The following RPS6KA3 variants were observed in gnomAD, a reference collection of about 807,000 sequenced individuals.
RPS6KA3 encodes ribosomal protein S6 kinase alpha-3.
A neutral mutation model predicts 67.2 loss-of-function variants in RPS6KA3; 4 were observed. The observed-to-expected ratio is 0.06, with a 90% CI of 0.03 to 0.14. The LOEUF is 0.14. Among genes scored for constraint, RPS6KA3 ranks in the 10% least tolerant of loss-of-function variants. The pLI, the probability that RPS6KA3 is intolerant of heterozygous loss-of-function variation, is 1.00. For missense variants in RPS6KA3, 204 were observed against 559.0 expected (o/e 0.36, Z 6.40); for synonymous variants, 182 against 183.7 (o/e 0.99, Z 0.07).
At chrX:20,215,969 T>C (rs2068839180) in intron 2 of RPS6KA3, among the ~76,000 whole-genome samples, 1 of 102,898 alleles carries the variant, frequency 9.7e-6, no homozygotes, top group African/African-American at 3.9e-5. Flanking sequence ...GTAAAGCAGC[T>C]ATATTAATAG....
intron 1 of RPS6KA3, among the ~76,000 whole-genome samples, chrX:20,257,319 CT>C (rs1234944428): frequency 8.9e-6 from 1 of 112,119 alleles, no homozygotes; most frequent in Admixed American, 9.5e-5. Flanking sequence ...ATTTTCCAGA[CT>C]TACGAGTTAA....
chrX:20,196,973 G>A (rs1490616508), intron 4 of RPS6KA3, among the ~76,000 whole-genome samples: 1 of 111,629 alleles, frequency 9.0e-6, no homozygotes. Flanking sequence ...CCGAGCAGCT[G>A]GGATTACAGG....
chrX:20,190,296 C>T (rs148360985), intron 7 of RPS6KA3, among the ~76,000 whole-genome samples: 111 of 111,741 alleles, frequency 9.9e-4, no homozygotes, highest in African/African-American at 3.6e-3. Context: ...ATCTGAAAAA[C>T]CCTTAACAGT....
chrX:20,165,313 A>G (rs1256640660), intron 17 of RPS6KA3, among the ~76,000 whole-genome samples: 1 of 111,827 alleles, frequency 8.9e-6, no homozygotes, highest in Admixed American at 9.6e-5. Flanking sequence ...GTTAAGGAAA[A>G]TTGCAAACAG....
rs148050184 is a variant in RPS6KA3, at chrX:20,172,853, T to G, written c.1246A>C (p.Ile416Leu). The part of the protein sequence containing the change: ...SIVQQLHRNS[I>L]QFTDGYEVKE... ...ACTTCATATCCATCAGTAAACTGAA[T>G]ACTGTTCCTGTGTAACTGCTACAAA... Residue 416 changes from isoleucine to leucine, a missense_variant, in exon 15 of 22, where the codon ATT becomes CTT. Ile to Leu is a conservative substitution (Grantham distance 5). Coordinates refer to ENST00000379565, the MANE Select transcript of RPS6KA3 (RefSeq NM_004586.3). The G allele has an allele frequency of 3.3e-6, 4 of 1,205,192 alleles. No homozygotes were observed. The highest frequency in any genetic ancestry group is 4.5e-6 in the Non-Finnish European group (4 of 890,616).
At chrX:20,213,987 A>T (rs778469919) in intron 2 of RPS6KA3, among the ~76,000 whole-genome samples, 1 of 111,708 alleles carries the variant, frequency 9.0e-6, no homozygotes, top group South Asian at 3.7e-4. Flanking sequence ...ATTCATGATA[A>T]ATTTTACTTT....
intron 19 of RPS6KA3, 32 bp from the exon 20 acceptor site, chrX:20,161,793 A>ATTTTATTCAT: frequency 3.7e-6 from 2 of 545,273 alleles, no homozygotes; most frequent in Non-Finnish European, 5.3e-6. Context: ...ATATTAATGA[A>ATTTTATTCAT]TAAAATTTAT....
intron 10 of RPS6KA3, among the ~76,000 whole-genome samples, chrX:20,183,891 A>G (rs1341774247): frequency 8.9e-6 from 1 of 112,259 alleles, no homozygotes; most frequent in African/African-American, 3.2e-5. Context: ...GCCAATCCAC[A>G]TTGTAAGTGT....
chrX:20,199,923 T>C (rs1410193677), intron 4 of RPS6KA3, among the ~76,000 whole-genome samples: 1 of 112,159 alleles, frequency 8.9e-6, no homozygotes, highest in Non-Finnish European at 1.9e-5. Context: ...AGCCAAATTA[T>C]AAACTAAGTG....
At position 20,160,032 on chromosome X, in the gene RPS6KA3, C is replaced by T. The variant is rs749571444; in HGVS notation, c.1959+1612G>A. Among the ~76,000 whole-genome samples the T allele has an allele frequency of 2.8e-3, 316 of 112,174 alleles. 4 individuals are homozygous for T. The highest frequency in any genetic ancestry group is 9.6e-3 in the African/African-American group (296 of 30,893). ...GCTATTCTCATGCTATCATCACCACCTATCTGCATGTGCTGATCCCTCAGT... is the reference window on the plus strand; with the variant it reads ...GCTATTCTCATGCTATCATCACCACTTATCTGCATGTGCTGATCCCTCAGT... On this transcript the variant is annotated intron_variant, in intron 20 of 21. Transcript: ENST00000379565.
At chrX:20,156,002 G>C in intron 21 of RPS6KA3, 107 bp downstream of exon 21, 1 of 870,798 alleles carries the variant, frequency 1.1e-6, no homozygotes, top group South Asian at 2.0e-5. Flanking sequence ...TCCCACAACA[G>C]AACTGGATGC....
At chrX:20,224,252 T>C (rs896779341) in intron 2 of RPS6KA3, among the ~76,000 whole-genome samples, 2 of 111,116 alleles carry the variant, frequency 1.8e-5, no homozygotes, top group Non-Finnish European at 3.8e-5. Context: ...TGCACATGAA[T>C]GGTCGGTGAC....
chrX:20,167,934 A>G (rs1447294300), intron 16 of RPS6KA3, among the ~76,000 whole-genome samples, 187 bp from the exon 17 acceptor site: 1 of 112,308 alleles, frequency 8.9e-6, no homozygotes, highest in East Asian at 2.8e-4. Flanking sequence ...TGCAATATCC[A>G]CTTCCTGGGC....
At chrX:20,227,935 CTCT>C (rs944947889) in intron 2 of RPS6KA3, among the ~76,000 whole-genome samples, 3 of 110,561 alleles carry the variant, frequency 2.7e-5, no homozygotes, top group Non-Finnish European at 5.7e-5. Context: ...TGTTAGATTG[CTCT>C]TCTTTCTTTT....
intron 1 of RPS6KA3, chrX:20,265,760 CTGTTTGGGTATAT>C (rs1228349316): frequency 1.8e-5 from 2 of 110,234 alleles, no homozygotes; most frequent in Non-Finnish European, 3.8e-5. Context: ...CTGTTTTGCC[CTGTTTGGGTATAT>C]TGTTTGGGTT....
chrX:20,199,569 A>G (rs375571529), intron 4 of RPS6KA3, among the ~76,000 whole-genome samples: 7 of 112,315 alleles, frequency 6.2e-5, no homozygotes, highest in African/African-American at 2.3e-4. Flanking sequence ...AGGTTTAACT[A>G]ACATATTCCA....
intron 2 of RPS6KA3, among the ~76,000 whole-genome samples, chrX:20,210,326 TA>T (rs2068681249): frequency 8.9e-6 from 1 of 112,045 alleles, no homozygotes; most frequent in South Asian, 3.7e-4. Context: ...GCCTGTCAAA[TA>T]AAGACTAGCA....
intron 10 of RPS6KA3, among the ~76,000 whole-genome samples, chrX:20,180,363 A>G (rs185213412): frequency 1.8e-4 from 20 of 111,171 alleles, no homozygotes; most frequent in Non-Finnish European, 3.2e-4. Flanking sequence ...CCAAAAACAG[A>G]ATAGAGGATC....
chrX:20,193,171 G>A (rs780564997), intron 7 of RPS6KA3, among the ~76,000 whole-genome samples: 2 of 111,099 alleles, frequency 1.8e-5, no homozygotes, highest in Admixed American at 9.6e-5. Context: ...CCAGCTACTC[G>A]GGAGGCTAAG....
Sources: gnomAD v4.1 joint callset for allele counts (sites outside exome capture counted in the v4.1 genomes callset) on GRCh38, gnomAD v4.1.1 for gene constraint, MANE v1.5 for transcripts, NCBI Gene and HGNC (gene_info 2026-07-23, HGNC 2026-07-21) for gene names.